CCDC192: variants seen among roughly 807,000 people sequenced by gnomAD.
The protein encoded by CCDC192 is coiled-coil domain-containing protein 192.
At chr5:127,823,024 ACAC>A (rs1561508360) in intron 5 of CCDC192, among the ~76,000 whole-genome samples, 1 of 152,132 alleles carries the variant, frequency 6.6e-6, no homozygotes, top group Non-Finnish European at 1.5e-5. Context: ...ATCCACAAAA[ACAC>A]CACATTACTC....
At chr5:127,828,659 C>G (rs1271211270) in intron 5 of CCDC192, among the ~76,000 whole-genome samples, 2 of 152,132 alleles carry the variant, frequency 1.3e-5, no homozygotes, top group African/African-American at 4.8e-5. Flanking sequence ...GTGACAACAT[C>G]TGGGAATAGC....
At chr5:127,922,203 C>A (rs1020299060) in intron 6 of CCDC192, among the ~76,000 whole-genome samples, 2 of 152,098 alleles carry the variant, frequency 1.3e-5, no homozygotes, top group African/African-American at 4.8e-5. Flanking sequence ...TTGTGACTTT[C>A]CCTAGATTTT....
chr5:127,916,216 C>G (rs1278629356), intron 6 of CCDC192, among the ~76,000 whole-genome samples: 1 of 152,216 alleles, frequency 6.6e-6, no homozygotes, highest in East Asian at 1.9e-4. Flanking sequence ...GAGGTTTTAT[C>G]ATGAGATTGC....
chr5:127,791,666 A>C (rs1580665421), intron 3 of CCDC192, among the ~76,000 whole-genome samples: 1 of 152,382 alleles, frequency 6.6e-6, no homozygotes, highest in East Asian at 1.9e-4. Flanking sequence ...TTGCAACATT[A>C]GTTGAAAAAG....
chr5:127,746,786 G>C (rs1280398012), intron 2 of CCDC192, among the ~76,000 whole-genome samples: 1 of 152,082 alleles, frequency 6.6e-6, no homozygotes, highest in Non-Finnish European at 1.5e-5. Context: ...CTTGACTGTG[G>C]AGCCAGGCTG....
At chr5:127,819,235 G>A (rs698172) in intron 5 of CCDC192, among the ~76,000 whole-genome samples, 50,813 of 151,966 alleles carry the variant, frequency 0.33, 9,391 homozygotes, top group South Asian at 0.47. Context: ...ACTAGGAAGC[G>A]CGCTAACAAC....
At chr5:127,812,285 C>G (rs1415554738) in intron 5 of CCDC192, among the ~76,000 whole-genome samples, 2 of 152,190 alleles carry the variant, frequency 1.3e-5, no homozygotes, top group African/African-American at 4.8e-5. Flanking sequence ...TAACCACATT[C>G]TTTGTGAGAG....
intron 2 of CCDC192, among the ~76,000 whole-genome samples, chr5:127,751,903 G>C (rs1710276): frequency 0.32 from 48,921 of 151,696 alleles, 8,743 homozygotes; most frequent in Middle Eastern, 0.41. Flanking sequence ...CCAGTTGATC[G>C]CATCGGCTCC....
At chr5:127,804,291 A>G (rs374561633) in intron 5 of CCDC192, among the ~76,000 whole-genome samples, 5 of 152,314 alleles carry the variant, frequency 3.3e-5, no homozygotes, top group African/African-American at 1.2e-4. Flanking sequence ...GATATTCTCT[A>G]CAATTGCATC....
intron 2 of CCDC192, among the ~76,000 whole-genome samples, chr5:127,719,862 C>G (rs1255490338): frequency 2.7e-5 from 4 of 148,844 alleles, no homozygotes; most frequent in Non-Finnish European, 5.9e-5. Context: ...CTTTTTAAAC[C>G]ACCAGATCTC....
chr5:127,766,982 T>C (rs1755264216), intron 3 of CCDC192, among the ~76,000 whole-genome samples: 1 of 152,210 alleles, frequency 6.6e-6, no homozygotes, highest in South Asian at 2.1e-4. Flanking sequence ...AGTTGCCTAA[T>C]TTTTGTTTCC....
chr5:127,913,092 G>T (rs1476943430), intron 6 of CCDC192, among the ~76,000 whole-genome samples: 1 of 152,170 alleles, frequency 6.6e-6, no homozygotes, highest in Non-Finnish European at 1.5e-5. Context: ...CAAGACAAAT[G>T]GTTTTGGGGT....
At chr5:127,895,833 T>G (rs1384214762) in intron 6 of CCDC192, among the ~76,000 whole-genome samples, 1 of 151,254 alleles carries the variant, frequency 6.6e-6, no homozygotes, top group African/African-American at 2.4e-5. Flanking sequence ...AGCCGTACCC[T>G]GTCTCAAAAA....
At chr5:127,894,293 T>C (rs936242426) in intron 6 of CCDC192, among the ~76,000 whole-genome samples, 1 of 150,246 alleles carries the variant, frequency 6.7e-6, no homozygotes, top group Non-Finnish European at 1.5e-5. Context: ...CCCGGGTTCA[T>C]GCCATTCTTC....
chr5:127,938,967 A>AG (rs1754271930), intron 6 of CCDC192, among the ~76,000 whole-genome samples: 1 of 152,214 alleles, frequency 6.6e-6, no homozygotes, highest in Admixed American at 6.5e-5. Flanking sequence ...CCAGGAGATG[A>AG]GGAAGGCCTC....
chr5:127,820,180 C>T (rs1432541671), intron 5 of CCDC192, among the ~76,000 whole-genome samples: 1 of 152,208 alleles, frequency 6.6e-6, no homozygotes, highest in African/African-American at 2.4e-5. Context: ...TATTACATTT[C>T]TAAATAGGTT....
At chr5:127,852,823 G>A (rs551303089) in intron 5 of CCDC192, among the ~76,000 whole-genome samples, 11 of 152,046 alleles carry the variant, frequency 7.2e-5, no homozygotes, top group Non-Finnish European at 1.5e-4. Context: ...GGCCGGGTGC[G>A]GTGGCTCACA....
At chr5:127,889,782 C>A (rs1752679134) in intron 6 of CCDC192, among the ~76,000 whole-genome samples, 1 of 152,236 alleles carries the variant, frequency 6.6e-6, no homozygotes, top group Admixed American at 6.5e-5. Context: ...TATTGGCATG[C>A]CTATCCCTTC....
At chr5:127,918,024 A>G (rs1753576929) in intron 6 of CCDC192, among the ~76,000 whole-genome samples, 1 of 152,030 alleles carries the variant, frequency 6.6e-6, no homozygotes, top group African/African-American at 2.4e-5. Context: ...AGTCCCAGCT[A>G]TTCAGGAGGC....
Sources: gnomAD v4.1 joint callset for allele counts (sites outside exome capture counted in the v4.1 genomes callset) on GRCh38, gnomAD v4.1.1 for gene constraint, MANE v1.5 for transcripts, NCBI Gene and HGNC (gene_info 2026-07-23, HGNC 2026-07-21) for gene names.